Variants in GPD2 observed in about 807,000 individuals in gnomAD.
The protein encoded by GPD2 is glycerol-3-phosphate dehydrogenase, mitochondrial.
GPD2 carries 54 observed loss-of-function variants against 82.4 expected under a neutral mutation model. The ratio of observed to expected loss-of-function variants is 0.66; its 90% confidence interval spans 0.53 to 0.82. GPD2 has a LOEUF of 0.82. GPD2 is among the 40% of genes least tolerant of loss of function. The pLI, the probability that GPD2 is intolerant of heterozygous loss-of-function variation, is 0.00. For synonymous variants in GPD2, 288 were observed against 306.1 expected (o/e 0.94, Z 0.62); for missense variants, 748 against 896.2 (o/e 0.83, Z 2.11).
chr2:156,474,040 AT>A, intron 1 of GPD2, among the ~76,000 whole-genome samples: 1 of 152,040 alleles, frequency 6.6e-6, no homozygotes, highest in Admixed American at 6.6e-5. Context: ...AATCATTAAA[AT>A]TTTTTTTAGA....
intron 9 of GPD2, among the ~76,000 whole-genome samples, chr2:156,560,177 T>C (rs921278319): frequency 6.6e-6 from 1 of 152,172 alleles, no homozygotes; most frequent in Non-Finnish European, 1.5e-5. Flanking sequence ...AGGTGTGGGT[T>C]CCAGAAGGCT....
chr2:156,433,641 C>T (rs551118196), upstream of GPD2, among the ~76,000 whole-genome samples: 1 of 152,260 alleles, frequency 6.6e-6, no homozygotes, highest in African/African-American at 2.4e-5. Flanking sequence ...TTGCAATTCC[C>T]TTGTCTTGAT....
chr2:156,512,997 C>T (rs1685058886), intron 5 of GPD2, among the ~76,000 whole-genome samples: 1 of 152,138 alleles, frequency 6.6e-6, no homozygotes, highest in South Asian at 2.1e-4. Flanking sequence ...TGTACATTGT[C>T]ATCATCCAGG....
At position 156,519,285 on chromosome 2, in the gene GPD2, T is replaced by C. The variant is rs557262799; in HGVS notation, c.661+5789T>C. Among the ~76,000 whole-genome samples the C allele has an allele frequency of 1.4e-4, 21 of 152,334 alleles. No homozygotes were observed. In the South Asian group the frequency reaches 3.9e-3, roughly 29 times the overall value. Reference sequence around the variant, plus strand: ...GCTATTTAAATATTTTCAAGATAGATGTGTTTAGTGAGAGGACAGATTGCT... The same window carrying C: ...GCTATTTAAATATTTTCAAGATAGACGTGTTTAGTGAGAGGACAGATTGCT... On this transcript the variant is annotated intron_variant, in intron 6 of 16. Coordinates refer to ENST00000438166, the MANE Select transcript of GPD2 (RefSeq NM_000408.5).
intron 6 of GPD2, among the ~76,000 whole-genome samples, chr2:156,515,890 A>G (rs1430059592): frequency 6.6e-6 from 1 of 152,236 alleles, no homozygotes; most frequent in East Asian, 1.9e-4. Context: ...TGGTTTTACA[A>G]CTATATTTAC....
intron 8 of GPD2, among the ~76,000 whole-genome samples, chr2:156,554,942 A>G (rs550731339): frequency 2.6e-5 from 4 of 152,382 alleles, no homozygotes; most frequent in South Asian, 2.1e-4. Flanking sequence ...AGACACACAC[A>G]TAAATTAGCA....
At chr2:156,407,678 C>T in the GPD2 span, among the ~76,000 whole-genome samples, 1 of 152,138 alleles carries the variant, frequency 6.6e-6, no homozygotes, top group African/African-American at 2.4e-5. Flanking sequence ...GACATTTAGA[C>T]TGTTTCTAAT....
intron 1 of GPD2, among the ~76,000 whole-genome samples, chr2:156,442,435 T>C (rs552132476): frequency 6.6e-6 from 1 of 152,290 alleles, no homozygotes; most frequent in African/African-American, 2.4e-5. Context: ...AGCTTCTAAG[T>C]GTACTTCAAA....
At chr2:156,497,658 A>G (rs1684434650) in intron 3 of GPD2, among the ~76,000 whole-genome samples, 1 of 152,134 alleles carries the variant, frequency 6.6e-6, no homozygotes, top group South Asian at 2.1e-4. Context: ...ACACACACAC[A>G]CACAAAAGTA....
chr2:156,521,060 A>G lies in GPD2; in HGVS notation c.661+7564A>G, dbSNP rs559422545. Among the ~76,000 whole-genome samples, 205 of 152,292 alleles carry G rather than the reference A, an allele frequency of 1.3e-3. 1 individual carries two copies. The highest frequency in any genetic ancestry group is 4.8e-3 in the African/African-American group (199 of 41,552). On this transcript the variant is annotated intron_variant, in intron 6 of 16. Transcript: ENST00000438166. ...CTGTTGCATGTGTCTACCAGGGTAT[A>G]TGTACAAAAAGTTCATAGAAGCACT...
In GPD2 at chr2:156,583,094, T is replaced by A; in HGVS notation, c.*176T>A. The stretch of plus-strand genomic sequence containing the variant: ...TATTTGCCAGCTTTATTTGCTGTAC[T>A]TTATTTGTATTTGCCATTCAGTCTA... On this transcript the variant is annotated 3_prime_UTR_variant, in exon 17 of 17. Coordinates refer to ENST00000438166, the MANE Select transcript of GPD2 (RefSeq NM_000408.5). The A allele has an allele frequency of 1.5e-6, 1 of 676,340 alleles. No homozygotes were observed. The highest frequency in any genetic ancestry group is 1.6e-5 in the South Asian group (1 of 60,774). 41.9% of individuals were successfully genotyped at this position (676,340 alleles called of 1,614,324 possible).
chr2:156,469,924 A>G (rs188053613), intron 1 of GPD2, among the ~76,000 whole-genome samples: 34 of 152,328 alleles, frequency 2.2e-4, no homozygotes, highest in African/African-American at 7.5e-4. Flanking sequence ...CCAGATGCCT[A>G]GAGAGGGTTC....
At chr2:156,478,472 C>T (rs1423808456) in intron 2 of GPD2, among the ~76,000 whole-genome samples, 1 of 151,952 alleles carries the variant, frequency 6.6e-6, no homozygotes, top group Non-Finnish European at 1.5e-5. Flanking sequence ...TGGGGGGTAG[C>T]AGGTGCGATG....
At chr2:156,446,670 G>C (rs190901782) in intron 1 of GPD2, among the ~76,000 whole-genome samples, 2 of 151,288 alleles carry the variant, frequency 1.3e-5, no homozygotes, top group African/African-American at 4.9e-5. Flanking sequence ...TGCCTCCTGG[G>C]TTTAAGCCTC....
At chr2:156,561,055 T>TTTTTTTTTTTG (rs1687153332) in intron 9 of GPD2, among the ~76,000 whole-genome samples, 1 of 127,516 alleles carries the variant, frequency 7.8e-6, no homozygotes, top group African/African-American at 2.9e-5. Context: ...TTTTTTTTTT[T>TTTTTTTTTTTG]TTTTTTTTTT....
intron 8 of GPD2, among the ~76,000 whole-genome samples, chr2:156,551,064 C>T (rs929151673): frequency 6.6e-6 from 1 of 152,108 alleles, no homozygotes; most frequent in South Asian, 2.1e-4. Context: ...ATTAATTTTG[C>T]AAAATTTTTT....
chr2:156,553,320 A>C, intron 8 of GPD2, among the ~76,000 whole-genome samples: 1 of 152,062 alleles, frequency 6.6e-6, no homozygotes, highest in Non-Finnish European at 1.5e-5. Flanking sequence ...CCCAGTAAAT[A>C]TTTTTTGAAT....
intron 6 of GPD2, among the ~76,000 whole-genome samples, chr2:156,520,431 A>C (rs1685358617): frequency 6.6e-6 from 1 of 152,140 alleles, no homozygotes; most frequent in African/African-American, 2.4e-5. Context: ...TCTTCCCTAG[A>C]AATAACTGCT....
At chr2:156,542,195 G>A (rs1462135529) in intron 6 of GPD2, among the ~76,000 whole-genome samples, 2 of 152,068 alleles carry the variant, frequency 1.3e-5, no homozygotes, top group African/African-American at 2.4e-5. Context: ...TATTGAGATT[G>A]CAAATAGCTT....
Sources: gnomAD v4.1 joint callset for allele counts (sites outside exome capture counted in the v4.1 genomes callset) on GRCh38, gnomAD v4.1.1 for gene constraint, MANE v1.5 for transcripts, NCBI Gene and HGNC (gene_info 2026-07-23, HGNC 2026-07-21) for gene names.